The following RNF216 variants were observed in gnomAD, a reference collection of about 807,000 sequenced individuals.
RNF216 encodes the protein E3 ubiquitin-protein ligase RNF216.
Under a neutral mutation model 110.8 loss-of-function variants are expected in RNF216, and 72 were observed. The ratio of observed to expected loss-of-function variants is 0.65; its 90% CI spans 0.54 to 0.79. The LOEUF (loss-of-function observed/expected upper bound fraction) is 0.79. Ranked by LOEUF, RNF216 falls within the 30% of genes least tolerant of loss-of-function variation. RNF216 has a pLI of 0.00. For missense variants in RNF216, 1,342 were observed against 1,141.2 expected (o/e 1.18, Z -2.54); for synonymous variants, 495 against 407.5 (o/e 1.21, Z -2.59).
chr7:5,695,536 GCTCT>G (rs924074572), intron 13 of RNF216, among the ~76,000 whole-genome samples: 3 of 152,188 alleles, frequency 2.0e-5, no homozygotes, highest in Non-Finnish European at 2.9e-5. Flanking sequence ...CCGGTCTCCT[GCTCT>G]CTCTCTGCAG....
intron 7 of RNF216, among the ~76,000 whole-genome samples, chr7:5,725,731 T>C (rs1284638342): frequency 6.7e-6 from 1 of 150,112 alleles, no homozygotes; most frequent in Non-Finnish European, 1.5e-5. Flanking sequence ...ACGCCTGTAA[T>C]CCCAGCTACT....
In RNF216 at chr7:5,636,381, A is replaced by T. The variant is rs552033123; in HGVS notation, c.2382+4773T>A. 3.3e-5 allele frequency among the ~76,000 whole-genome samples: 5 copies of T among 152,336 alleles called. No individual in the cohort carries two copies. The East Asian group carries it at 5.8e-4, about 18-fold the overall frequency. On this transcript the variant is annotated intron_variant, in intron 15 of 16. Transcript: ENST00000389902. The stretch of plus-strand genomic sequence containing the variant: ...TCATTTTGATAACTAACAGAGAAAG[A>T]AAGTTACTGTTCACCACTTGAGCTC...
chr7:5,701,100 G>T (rs1264317573), intron 13 of RNF216, among the ~76,000 whole-genome samples: 1 of 152,128 alleles, frequency 6.6e-6, no homozygotes, highest in Non-Finnish European at 1.5e-5. Flanking sequence ...GAGAGTGGGA[G>T]CACACACACG....
At chr7:5,674,907 G>C (rs1447226659) in intron 13 of RNF216, among the ~76,000 whole-genome samples, 2 of 151,842 alleles carry the variant, frequency 1.3e-5, no homozygotes, top group African/African-American at 2.4e-5. Flanking sequence ...TGAGGCAAGA[G>C]AATTGCTTGA....
intron 10 of RNF216, among the ~76,000 whole-genome samples, 174 bp from the exon 11 acceptor site, chr7:5,715,364 G>C (rs1022244041): frequency 6.6e-5 from 10 of 152,144 alleles, no homozygotes; most frequent in Non-Finnish European, 5.9e-5. Flanking sequence ...TCTAGCTCAA[G>C]ATACTAACAC....
Position 5,725,380 on chromosome 7 carries a change from C to A in RNF216, c.1448G>T (p.Arg483Met). The change falls in exon 8 of 17, where the codon AGG becomes ATG. Residue 483 changes from arginine to methionine, a missense_variant. Transcript: ENST00000389902. ...QELSPETSGK[R>M]KKRKQMNQYS... ...CTGGTTCATTTGTTTTCTCTTCTTC[C>A]TTTTTCCACTGGTTTCTGGTGACAG... 6.2e-7 allele frequency: 1 copy of A among 1,613,878 alleles called. No homozygotes were observed. The highest frequency in any genetic ancestry group is 8.5e-7 in the Non-Finnish European group (1 of 1,179,784).
rs777539320 is a variant in RNF216, at chr7:5,761,012, G to A, written c.58C>T (p.Arg20Trp). The change falls in exon 2 of 17, where the codon CGG (arginine) becomes TGG (tryptophan). Residue 20 changes from arginine to tryptophan, a missense_variant. Transcript: ENST00000389902. ...AGAACAAACAACTTACCTTGTCCCC[G>A]ATGGCAGTGAAAGTTGTTCAAGTGA... ...VIHLNNFHCHRGQEWINLRDG... is the reference protein window; with the variant it reads ...VIHLNNFHCHWGQEWINLRDG... The A allele has an allele frequency of 1.2e-5, 19 of 1,570,878 alleles. No homozygotes were observed. The highest frequency in any genetic ancestry group is 4.6e-5 in the East Asian group (2 of 43,432).
At chr7:5,735,827 G>A (rs535368185) in intron 5 of RNF216, among the ~76,000 whole-genome samples, 6 of 152,196 alleles carry the variant, frequency 3.9e-5, no homozygotes, top group Non-Finnish European at 7.3e-5. Flanking sequence ...AGGTGCAGTG[G>A]GTCACACCTG....
chr7:5,754,299 G>A (rs1470815180), intron 2 of RNF216, among the ~76,000 whole-genome samples: 1 of 151,738 alleles, frequency 6.6e-6, no homozygotes, highest in Non-Finnish European at 1.5e-5. Context: ...AGGACAACAG[G>A]TGCACACTAC....
intron 1 of RNF216, among the ~76,000 whole-genome samples, chr7:5,762,626 A>G (rs1015263765): frequency 6.6e-6 from 1 of 151,958 alleles, no homozygotes; most frequent in Admixed American, 6.6e-5. Flanking sequence ...CGGGAGGCAG[A>G]GGTTGCAGTG....
intron 13 of RNF216, among the ~76,000 whole-genome samples, chr7:5,673,752 C>T (rs368717706): frequency 5.9e-5 from 9 of 152,220 alleles, no homozygotes; most frequent in South Asian, 2.1e-4. Context: ...TGGTGCGCAC[C>T]TGTAATTCCA....
At chr7:5,757,005 C>A (rs1472252714) in intron 2 of RNF216, among the ~76,000 whole-genome samples, 1 of 152,168 alleles carries the variant, frequency 6.6e-6, no homozygotes, top group Non-Finnish European at 1.5e-5. Context: ...TTACATGTAT[C>A]TCATAAATGT....
At chr7:5,673,244 C>A (rs953478789) in intron 13 of RNF216, among the ~76,000 whole-genome samples, 6 of 152,208 alleles carry the variant, frequency 3.9e-5, no homozygotes, top group African/African-American at 1.4e-4. Flanking sequence ...ACAAGGTGTA[C>A]AGCATGGCCT....
In RNF216 at chr7:5,741,691, C is replaced by G. The variant is rs773034443; in HGVS notation, c.326G>C (p.Ser109Thr). 6.2e-7 allele frequency: 1 copy of G among 1,614,208 alleles called. No individual in the cohort carries two copies. The highest frequency in any genetic ancestry group is 2.2e-5 in the East Asian group (1 of 44,878). Residue 109 changes from serine to threonine, a missense_variant, in exon 4 of 17, where the codon AGC becomes ACC. By Grantham distance (58) the Ser-to-Thr change is moderately conservative. Coordinates refer to ENST00000389902, the MANE Select transcript of RNF216 (RefSeq NM_207111.4). ...TGGGTTGTTACACACTGAAAAATAG[C>G]TGCTCTTATCTGATTCAAATGCTGC... is the stretch of plus-strand genomic sequence containing the variant. ...SRAAFESDKS[S>T]YFSVCNNPLF...
chr7:5,639,986 C>G (rs1386249413), intron 15 of RNF216, among the ~76,000 whole-genome samples: 12 of 151,276 alleles, frequency 7.9e-5, no homozygotes, highest in Non-Finnish European at 1.8e-4. Context: ...GTCTCGATCT[C>G]CTGACCTTGT....
intron 5 of RNF216, among the ~76,000 whole-genome samples, chr7:5,734,208 GC>G (rs1402011948): frequency 6.6e-6 from 1 of 152,128 alleles, no homozygotes; most frequent in Non-Finnish European, 1.5e-5. Flanking sequence ...GAACTCAAAT[GC>G]CTATCAAAAG....
intron 5 of RNF216, among the ~76,000 whole-genome samples, chr7:5,737,603 G>C (rs1348992753): frequency 6.6e-6 from 1 of 151,976 alleles, no homozygotes; most frequent in Non-Finnish European, 1.5e-5. Context: ...GGTGGGATCA[G>C]ACAAGGCCAC....
rs545814803 is a variant in RNF216, at chr7:5,652,285, C to A, written c.2159+128G>T. On this transcript the variant is annotated intron_variant, in intron 14 of 16. Transcript: ENST00000389902. ...GAGGCTCAAGGGTTAGATTACTTCC[C>A]CAAGATCACTCCAGACTGGGGTGGC... is the stretch of plus-strand genomic sequence containing the variant. 49 of 676,076 alleles carry A rather than the reference C, an allele frequency of 7.2e-5. 1 individual carries two copies. In the South Asian group the frequency reaches 7.9e-4, roughly 11 times the overall value. 41.9% of individuals were successfully genotyped at this position (676,076 alleles called of 1,614,324 possible). A position where few individuals can be genotyped will look rare whatever the true frequency, so the allele number is the denominator to read the frequency against.
At chr7:5,670,689 C>T (rs1199343248) in intron 13 of RNF216, among the ~76,000 whole-genome samples, 1 of 152,182 alleles carries the variant, frequency 6.6e-6, no homozygotes, top group African/African-American at 2.4e-5. Flanking sequence ...AGCAAAAGTA[C>T]AGCTAAGGTG....
Sources: gnomAD v4.1 joint callset for allele counts (sites outside exome capture counted in the v4.1 genomes callset) on GRCh38, gnomAD v4.1.1 for gene constraint, MANE v1.5 for transcripts, NCBI Gene and HGNC (gene_info 2026-07-23, HGNC 2026-07-21) for gene names.